Variants in VPS41 observed in about 807,000 individuals in gnomAD.
VPS41 encodes the protein vacuolar protein sorting-associated protein 41 homolog.
A neutral mutation model predicts 130.9 loss-of-function variants in VPS41; 85 were observed. The ratio of observed to expected loss-of-function variants is 0.65; its 90% CI spans 0.55 to 0.78. The LOEUF is 0.78. VPS41 is among the 30% of genes least tolerant of loss of function. VPS41 has a pLI of 0.00. For synonymous variants in VPS41, 335 were observed against 332.9 expected (o/e 1.01, Z -0.07); for missense variants, 874 against 1,018.7 (o/e 0.86, Z 1.93).
intron 2 of VPS41, among the ~76,000 whole-genome samples, chr7:38,887,570 G>T (rs1224537755): frequency 6.6e-6 from 1 of 152,186 alleles, no homozygotes; most frequent in Non-Finnish European, 1.5e-5. Context: ...ACCTGAAAGT[G>T]GCGGGGATAA....
intron 4 of VPS41, among the ~76,000 whole-genome samples, chr7:38,862,227 G>A (rs956924430): frequency 6.6e-5 from 10 of 152,000 alleles, no homozygotes; most frequent in African/African-American, 2.2e-4. Context: ...CTAAATGCCC[G>A]AAATTAAAGC....
At chr7:38,735,851 T>C (rs1237848480) in intron 25 of VPS41, among the ~76,000 whole-genome samples, 1 of 152,198 alleles carries the variant, frequency 6.6e-6, no homozygotes, top group African/African-American at 2.4e-5. Context: ...TGACTTCATC[T>C]GAGAAGGGCT....
intron 7 of VPS41, among the ~76,000 whole-genome samples, chr7:38,805,719 T>C (rs994909204): frequency 6.6e-6 from 1 of 152,224 alleles, no homozygotes; most frequent in African/African-American, 2.4e-5. Flanking sequence ...TTCATGGAAG[T>C]GGCAGAACTG....
At chr7:38,844,467 C>G (rs1785681224) in intron 4 of VPS41, among the ~76,000 whole-genome samples, 1 of 152,158 alleles carries the variant, frequency 6.6e-6, no homozygotes, top group Non-Finnish European at 1.5e-5. Context: ...GACCTAAAAA[C>G]AAATTACTCT....
At chr7:38,780,573 T>G (rs941038790) in intron 10 of VPS41, among the ~76,000 whole-genome samples, 2 of 152,080 alleles carry the variant, frequency 1.3e-5, no homozygotes, top group Non-Finnish European at 2.9e-5. Flanking sequence ...AGAATGAGGA[T>G]GAGATGAATA....
At chr7:38,775,486 T>C (rs1302041888) in intron 11 of VPS41, 1 of 152,174 alleles carries the variant, frequency 6.6e-6, no homozygotes, top group Non-Finnish European at 1.5e-5. Flanking sequence ...TCTTTATTTC[T>C]TCCAATCACA....
chr7:38,731,353 T>G (rs1454862436), intron 25 of VPS41, among the ~76,000 whole-genome samples: 1 of 152,220 alleles, frequency 6.6e-6, no homozygotes, highest in Admixed American at 6.5e-5. Flanking sequence ...GGATTCCTAG[T>G]AGCAACTCCA....
chr7:38,768,569 T>G (rs1185474490), intron 14 of VPS41, among the ~76,000 whole-genome samples: 1 of 152,158 alleles, frequency 6.6e-6, no homozygotes, highest in Non-Finnish European at 1.5e-5. Context: ...TATATTAAAT[T>G]TTTACTTTAA....
chr7:38,830,603 G>A (rs1785368140), intron 4 of VPS41, among the ~76,000 whole-genome samples: 1 of 152,198 alleles, frequency 6.6e-6, no homozygotes, highest in Non-Finnish European at 1.5e-5. Flanking sequence ...AAAGTTGAAT[G>A]TGGGATCTTC....
intron 10 of VPS41, among the ~76,000 whole-genome samples, chr7:38,779,164 A>T (rs1784314862): frequency 6.6e-6 from 1 of 152,236 alleles, no homozygotes; most frequent in African/African-American, 2.4e-5. Context: ...GCTAATTGAG[A>T]ATTAATAATT....
intron 19 of VPS41, among the ~76,000 whole-genome samples, chr7:38,755,747 C>G (rs1467262188): frequency 6.6e-6 from 1 of 152,158 alleles, no homozygotes. Flanking sequence ...TCAGCTCATT[C>G]ATCTTTTTTC....
intron 9 of VPS41, among the ~76,000 whole-genome samples, chr7:38,790,348 A>C (rs1357651679): frequency 6.6e-6 from 1 of 152,168 alleles, no homozygotes; most frequent in Non-Finnish European, 1.5e-5. Flanking sequence ...TAACAATTTA[A>C]TACAAGTAAT....
At position 38,771,270 on chromosome 7, in the gene VPS41, A is replaced by C. The variant is rs1398786858; in HGVS notation, c.1129-16T>G. The C allele has an allele frequency of 1.3e-6, 2 of 1,541,522 alleles. No homozygotes were observed. Among genetic ancestry groups the C allele is most frequent in the African/African-American group, 3.0e-5 (2 of 65,870 alleles). On this transcript the variant is annotated splice_polypyrimidine_tract_variant and intron_variant, in intron 13 of 28. Transcript: ENST00000310301. ...TCAATGCTTCCTTTATTCCAAACAT[A>C]AGGATGATTTAAAAAAAAAAAAAAG...
chr7:38,805,058 G>A (rs2116034505), intron 7 of VPS41, among the ~76,000 whole-genome samples: 1 of 152,300 alleles, frequency 6.6e-6, no homozygotes, highest in Non-Finnish European at 1.5e-5. Context: ...TTGAATTAAT[G>A]TTCTCTGCAA....
chr7:38,776,845 C>A (rs925545191), intron 10 of VPS41, 69 bp from the exon 11 acceptor site: 9 of 801,864 alleles, frequency 1.1e-5, no homozygotes, highest in Non-Finnish European at 1.9e-5. Context: ...TGGAGGAACA[C>A]AATGACTGTG....
chr7:38,879,640 C>A (rs1030224851), intron 2 of VPS41, among the ~76,000 whole-genome samples: 3 of 152,050 alleles, frequency 2.0e-5, no homozygotes, highest in African/African-American at 7.2e-5. Context: ...AATTGTTCCA[C>A]CTCAGATCAT....
At chr7:38,791,022 G>A (rs1784525891) in intron 9 of VPS41, among the ~76,000 whole-genome samples, 1 of 152,194 alleles carries the variant, frequency 6.6e-6, no homozygotes, top group Admixed American at 6.5e-5. Context: ...CAACACTGCA[G>A]CGACTCAGTG....
intron 10 of VPS41, among the ~76,000 whole-genome samples, chr7:38,789,457 A>G (rs1171623935): frequency 6.6e-6 from 1 of 152,018 alleles, no homozygotes; most frequent in Admixed American, 6.5e-5. Context: ...GGACAGGTAA[A>G]AGGTCAGTGT....
chr7:38,792,913 C>G (rs983273068), intron 9 of VPS41, among the ~76,000 whole-genome samples: 10 of 152,114 alleles, frequency 6.6e-5, no homozygotes, highest in African/African-American at 2.4e-4. Context: ...GCACACCAAT[C>G]ACACTCCTGC....
Sources: gnomAD v4.1 joint callset for allele counts (sites outside exome capture counted in the v4.1 genomes callset) on GRCh38, gnomAD v4.1.1 for gene constraint, MANE v1.5 for transcripts, NCBI Gene and HGNC (gene_info 2026-07-23, HGNC 2026-07-21) for gene names.